POR: variants seen among roughly 807,000 people sequenced by gnomAD.
POR encodes the protein NADPH--cytochrome P450 reductase.
In POR, 56 loss-of-function variants were observed where a neutral mutation model predicts 84.0. That is an observed-to-expected ratio of 0.67 (90% CI 0.54 to 0.83). The LOEUF is 0.83. Ranked by LOEUF, POR falls within the 40% of genes least tolerant of loss-of-function variation. The pLI is 0.00. For synonymous variants in POR, 414 were observed against 400.5 expected, an observed-to-expected ratio of 1.03 and a Z score of -0.40; for missense variants, 938 against 944.3, an observed-to-expected ratio of 0.99 and a Z score of 0.09.
At chr7:75,953,303 AC>A (rs1382510087) in intron 1 of POR, among the ~76,000 whole-genome samples, 2 of 109,290 alleles carry the variant, frequency 1.8e-5, no homozygotes, top group African/African-American at 7.0e-5. Flanking sequence ...TCAGAGGGAG[AC>A]CGTGGAAAGA....
In POR at chr7:75,984,917, G is replaced by C; in HGVS notation, c.1207G>C (p.Glu403Gln). Residue 403 changes from glutamate (E) to glutamine (Q), a missense_variant, in exon 11 of 16, where the codon GAG becomes CAG. Coordinates refer to ENST00000461988, the MANE Select transcript of POR (RefSeq NM_000941.3). ...GTACGCCTCGGAGCCCTCGGAGCAG[G>C]AGCTGCTGCGCAAGATGGCCTCCTC... is the stretch of plus-strand genomic sequence containing the variant. 1 of 1,606,956 alleles carries C rather than the reference G, an allele frequency of 6.2e-7. No individual in the cohort carries two copies. Among genetic ancestry groups the C allele is most frequent in the Non-Finnish European group, 8.5e-7 (1 of 1,175,454 alleles).
intron 1 of POR, among the ~76,000 whole-genome samples, chr7:75,938,902 C>T (rs1340517242): frequency 6.6e-6 from 1 of 152,226 alleles, no homozygotes; most frequent in Non-Finnish European, 1.5e-5. Context: ...TAGCTTCGCT[C>T]ATCCCCCTAA....
At chr7:75,975,814 AT>A (rs539245771) in intron 3 of POR, among the ~76,000 whole-genome samples, 24 of 82,186 alleles carry the variant, frequency 2.9e-4, no homozygotes, top group East Asian at 7.3e-4. Context: ...AGCTGTTCAG[AT>A]TTTTTTTTTT....
At chr7:75,958,989 T>C (rs1787813786) in intron 2 of POR, among the ~76,000 whole-genome samples, 2 of 152,250 alleles carry the variant, frequency 1.3e-5, no homozygotes, top group Non-Finnish European at 2.9e-5. Flanking sequence ...AATGCTCCAA[T>C]GATTCTTCCC....
chr7:75,976,742 T>C (rs941662451), intron 3 of POR, among the ~76,000 whole-genome samples: 5 of 146,770 alleles, frequency 3.4e-5, no homozygotes, highest in African/African-American at 1.2e-4. Flanking sequence ...AGCAAAACTC[T>C]GTCTCAAGAA....
chr7:75,979,769 C>T, intron 4 of POR, 190 bp downstream of exon 4: 1 of 728,232 alleles, frequency 1.4e-6, no homozygotes, highest in African/African-American at 1.8e-5. Flanking sequence ...GCCATTCCTG[C>T]AGTTGCAGCC....
At chr7:75,942,987 T>C (rs572872796) in intron 1 of POR, among the ~76,000 whole-genome samples, 30 of 151,874 alleles carry the variant, frequency 2.0e-4, no homozygotes, top group Non-Finnish European at 3.4e-4. Flanking sequence ...AGTCTTGCTC[T>C]GTCACCCAGG....
intron 7 of POR, 98 bp from the exon 8 acceptor site, chr7:75,982,126 C>A (rs1789084972): frequency 5.7e-6 from 5 of 873,460 alleles, no homozygotes; most frequent in Admixed American, 2.0e-5. Context: ...GGGACCTCAC[C>A]CCAAAGGCCA....
chr7:75,956,851 G>A lies in POR; in HGVS notation c.188+2671G>A, dbSNP rs375774489. On this transcript the variant is annotated intron_variant, in intron 2 of 15. Coordinates refer to ENST00000461988, the MANE Select transcript of POR (RefSeq NM_000941.3). The stretch of plus-strand genomic sequence containing the variant: ...GGCGATTCTCGTGCCTCAGTCTCCC[G>A]AGTGCCTGGGACTACAGGCACATGC... 2.4e-3 allele frequency among the ~76,000 whole-genome samples: 365 copies of A among 151,680 alleles called. 5 individuals carry two copies. Among genetic ancestry groups the A allele is most frequent in the Middle Eastern group, 3.4e-3 (1 of 294 alleles).
At chr7:75,917,044 A>G (rs146208611) in intron 1 of POR, among the ~76,000 whole-genome samples, 1 of 152,248 alleles carries the variant, frequency 6.6e-6, no homozygotes, top group East Asian at 1.9e-4. Context: ...GAACATTTCA[A>G]GTTAAAAATA....
intron 1 of POR, among the ~76,000 whole-genome samples, chr7:75,944,702 T>C (rs902013090): frequency 5.3e-5 from 8 of 151,968 alleles, no homozygotes; most frequent in Non-Finnish European, 1.2e-4. Flanking sequence ...AATTAAGATA[T>C]AGAGAAGAAT....
intron 2 of POR, among the ~76,000 whole-genome samples, chr7:75,960,242 G>C (rs1787878743): frequency 6.6e-6 from 1 of 151,830 alleles, no homozygotes; most frequent in Non-Finnish European, 1.5e-5. Context: ...CGAGCGCCGA[G>C]CTCACACCGC....
chr7:75,925,321 AAG>A (rs142191341), intron 1 of POR, among the ~76,000 whole-genome samples: 46 of 149,632 alleles, frequency 3.1e-4, no homozygotes, highest in Non-Finnish European at 3.4e-4. Flanking sequence ...CAGCCTGGGC[AAG>A]AGAGAGAGAG....
intron 1 of POR, among the ~76,000 whole-genome samples, chr7:75,919,025 G>A (rs1275656095): frequency 3.3e-5 from 5 of 150,160 alleles, no homozygotes; most frequent in Admixed American, 6.6e-5. Context: ...TTTAGACAGA[G>A]TCTCACTCTG....
chr7:75,938,957 G>T lies in POR; in HGVS notation c.-4-15032G>T, dbSNP rs145373361. 8.5e-5 allele frequency among the ~76,000 whole-genome samples: 13 copies of T among 152,292 alleles called. No individual in the cohort carries two copies. In the East Asian group the frequency reaches 2.3e-3, roughly 27 times the overall value. On this transcript the variant is annotated intron_variant, in intron 1 of 15. Coordinates refer to ENST00000461988, the MANE Select transcript of POR (RefSeq NM_000941.3). Reference sequence around the variant, plus strand: ...TCATTCTTCACAATCCAGCCCAGATGTTGGCCTCTGGGAGCCCCTTCCTTG... The same window carrying T: ...TCATTCTTCACAATCCAGCCCAGATTTTGGCCTCTGGGAGCCCCTTCCTTG...
In POR at chr7:75,985,186, C is replaced by T; in HGVS notation, c.1377C>T (p.Tyr459=). 6.3e-7 allele frequency: 1 copy of T among 1,596,014 alleles called. No homozygotes were observed. The highest frequency in any genetic ancestry group is 8.5e-7 in the Non-Finnish European group (1 of 1,177,382). Residue 459 remains tyrosine (Y), a synonymous_variant, in exon 12 of 16, where the codon TAC becomes TAT. Coordinates refer to ENST00000461988, the MANE Select transcript of POR (RefSeq NM_000941.3). ...TGCCGCGCCTGCAGGCCCGCTACTA[C>T]TCCATCGCCTCATCCTCCAAGGTGA...
intron 3 of POR, among the ~76,000 whole-genome samples, chr7:75,973,078 C>T (rs558192580): frequency 6.6e-6 from 1 of 152,298 alleles, no homozygotes; most frequent in South Asian, 2.1e-4. Flanking sequence ...CCGCCTCAGC[C>T]TCCCAAAGTG....
chr7:75,975,390 A>C (rs1788635579), intron 3 of POR, among the ~76,000 whole-genome samples: 1 of 152,140 alleles, frequency 6.6e-6, no homozygotes, highest in Non-Finnish European at 1.5e-5. Flanking sequence ...CTGTAATCCC[A>C]ACACTTTGGG....
chr7:75,983,638 TA>T lies in POR; in HGVS notation c.947+3del. ...GGACATCTCGGACTCCAAAATCAGGTACCAGCTGCCACTGTCACCCCCTGAA... is the reference window on the plus strand; with the variant it reads ...GGACATCTCGGACTCCAAAATCAGGTCCAGCTGCCACTGTCACCCCCTGAA... On this transcript the variant is annotated splice_donor_region_variant and intron_variant, in intron 9 of 15. Coordinates refer to ENST00000461988, the MANE Select transcript of POR (RefSeq NM_000941.3). 1 of 1,612,120 alleles carries T rather than the reference TA, an allele frequency of 6.2e-7. No homozygotes were observed. The highest frequency in any genetic ancestry group is 8.5e-7 in the Non-Finnish European group (1 of 1,179,174).
Sources: allele counts gnomAD v4.1 joint callset (sites outside exome capture counted in the v4.1 genomes callset), GRCh38; gene constraint gnomAD v4.1.1; transcripts MANE v1.5; gene names NCBI Gene and HGNC (gene_info 2026-07-23, HGNC 2026-07-21).